Variants in GPC5 observed in about 807,000 individuals in gnomAD.
GPC5 encodes the protein glypican-5.
Under a neutral mutation model 53.9 loss-of-function variants are expected in GPC5, and 47 were observed. That is an observed-to-expected ratio of 0.87 (90% CI 0.69 to 1.11). The LOEUF (loss-of-function observed/expected upper bound fraction) is 1.11. GPC5 is among the 50% of genes most tolerant of loss of function. The pLI is 0.00. For missense variants in GPC5, 748 were observed against 713.1 expected, an observed-to-expected ratio of 1.05 and a Z score of -0.56; for synonymous variants, 286 against 263.3, an observed-to-expected ratio of 1.09 and a Z score of -0.84.
chr13:92,371,202 C>T (rs1025149180), intron 7 of GPC5, among the ~76,000 whole-genome samples: 8 of 152,114 alleles, frequency 5.3e-5, no homozygotes, highest in African/African-American at 1.9e-4. Context: ...TTTTTCATCA[C>T]CAAAAACTGT....
intron 7 of GPC5, among the ~76,000 whole-genome samples, chr13:92,578,959 A>G (rs928958164): frequency 1.3e-5 from 2 of 152,136 alleles, no homozygotes; most frequent in African/African-American, 4.8e-5. Flanking sequence ...ACCCCAGAGA[A>G]TTCAAATGGA....
intron 7 of GPC5, among the ~76,000 whole-genome samples, chr13:92,835,980 T>C (rs981050357): frequency 6.6e-6 from 1 of 152,024 alleles, no homozygotes; most frequent in Admixed American, 6.6e-5. Context: ...GATATCTGGA[T>C]AGGTTCTCAT....
chr13:92,502,012 A>T (rs980593954), intron 7 of GPC5, among the ~76,000 whole-genome samples: 1 of 152,124 alleles, frequency 6.6e-6, no homozygotes, highest in Non-Finnish European at 1.5e-5. Flanking sequence ...CAAACGAAAG[A>T]AGAGCGACAA....
intron 7 of GPC5, among the ~76,000 whole-genome samples, chr13:92,725,913 A>G (rs1354208774): frequency 6.6e-6 from 1 of 151,646 alleles, no homozygotes; most frequent in Non-Finnish European, 1.5e-5. Context: ...ATGCCCTCTG[A>G]CTTTTAGCGT....
chr13:92,178,535 G>A (rs1464556248), intron 7 of GPC5, among the ~76,000 whole-genome samples: 2 of 150,864 alleles, frequency 1.3e-5, no homozygotes, highest in Non-Finnish European at 2.9e-5. Context: ...TATAGTGTTT[G>A]TATATTATAT....
rs569621531 is a variant in GPC5 at position 92,251,480 on chromosome 13, T to C, written c.1561+106491T>C. On this transcript the variant is annotated intron_variant, in intron 7 of 7. Transcript: ENST00000377067. ...GAGCTGTCTTCACTCTCAATATCTC[T>C]GGATTATCCTTGGGGTGTAGCCTGA... is the stretch of plus-strand genomic sequence containing the variant. 1.4e-3 allele frequency among the ~76,000 whole-genome samples: 217 copies of C among 152,212 alleles called. 1 individual carries two copies. Among genetic ancestry groups the C allele is most frequent in the African/African-American group, 4.9e-3 (202 of 41,556 alleles).
chr13:91,416,514 T>G (rs1490167868), intron 1 of GPC5, among the ~76,000 whole-genome samples: 1 of 151,320 alleles, frequency 6.6e-6, no homozygotes, highest in Non-Finnish European at 1.5e-5. Flanking sequence ...AAAGTGTAGG[T>G]TTTTTACATA....
Position 91,615,421 on chromosome 13 carries a change from GA to G in GPC5, c.326-77758del, listed in dbSNP as rs902348828. Among the ~76,000 whole-genome samples the G allele has an allele frequency of 3.3e-5, 5 of 151,998 alleles. No individual in the cohort carries two copies. In the South Asian group the frequency reaches 1.0e-3, roughly 31 times the overall value. On this transcript the variant is annotated intron_variant, in intron 2 of 7. Transcript: ENST00000377067. The stretch of plus-strand genomic sequence containing the variant: ...GTTTTCATTCATATTCTATTGACAA[GA>G]AAAAAAATCACCTTTTGCCACACCT...
chr13:91,611,371 A>G (rs1284375908), intron 2 of GPC5, among the ~76,000 whole-genome samples: 1 of 152,204 alleles, frequency 6.6e-6, no homozygotes, highest in African/African-American at 2.4e-5. Context: ...TAAAGATAAA[A>G]TGTGTAGCCT....
intron 6 of GPC5, among the ~76,000 whole-genome samples, chr13:92,104,788 G>T (rs1232086488): frequency 6.6e-6 from 1 of 152,122 alleles, no homozygotes; most frequent in Non-Finnish European, 1.5e-5. Flanking sequence ...GTGCCTCAGA[G>T]GTCCTTACTG....
chr13:92,116,576 C>T (rs961579893), intron 6 of GPC5, among the ~76,000 whole-genome samples: 1 of 152,170 alleles, frequency 6.6e-6, no homozygotes, highest in Admixed American at 6.5e-5. Context: ...AGCAAAAATA[C>T]CTAGGAATGG....
chr13:91,845,917 T>C (rs930709201), intron 5 of GPC5, among the ~76,000 whole-genome samples: 11 of 152,154 alleles, frequency 7.2e-5, no homozygotes, highest in African/African-American at 2.7e-4. Context: ...ATGGAGATAA[T>C]AGTAGGTGCC....
At chr13:92,770,105 A>G (rs1029580157) in intron 7 of GPC5, among the ~76,000 whole-genome samples, 2 of 152,078 alleles carry the variant, frequency 1.3e-5, no homozygotes, top group African/African-American at 4.8e-5. Flanking sequence ...TCCTTACCCC[A>G]AAACCTCTCC....
chr13:92,014,261 G>T (rs2040687711), intron 6 of GPC5, among the ~76,000 whole-genome samples: 1 of 152,144 alleles, frequency 6.6e-6, no homozygotes, highest in African/African-American at 2.4e-5. Flanking sequence ...TAATCACCAT[G>T]AAAAAATCTG....
intron 2 of GPC5, among the ~76,000 whole-genome samples, chr13:91,531,230 G>A (rs1287650824): frequency 6.6e-6 from 1 of 152,154 alleles, no homozygotes; most frequent in Non-Finnish European, 1.5e-5. Context: ...CGGTATTGAA[G>A]TTTGCACAGA....
chr13:92,284,375 C>A (rs2042938267), intron 7 of GPC5, among the ~76,000 whole-genome samples: 1 of 152,176 alleles, frequency 6.6e-6, no homozygotes, highest in African/African-American at 2.4e-5. Context: ...AGGGAATCTT[C>A]CCTAACTCAT....
At chr13:91,919,742 G>A (rs146059181) in intron 6 of GPC5, among the ~76,000 whole-genome samples, 1,668 of 152,058 alleles carry the variant, frequency 0.011, 12 homozygotes, top group African/African-American at 0.021. Flanking sequence ...AAAAAAAAAT[G>A]TACCAGGAAG....
chr13:91,770,721 T>A (rs2037609134), intron 5 of GPC5, among the ~76,000 whole-genome samples: 1 of 151,786 alleles, frequency 6.6e-6, no homozygotes, highest in South Asian at 2.1e-4. Context: ...TGTGTGTGTG[T>A]GTGTGTGTGT....
intron 2 of GPC5, among the ~76,000 whole-genome samples, chr13:91,515,010 A>C (rs1456548822): frequency 6.6e-6 from 1 of 152,234 alleles, no homozygotes; most frequent in African/African-American, 2.4e-5. Flanking sequence ...TGAAAATTAA[A>C]TAATACTAAA....
Sources: gnomAD v4.1 joint callset for allele counts (sites outside exome capture counted in the v4.1 genomes callset) on GRCh38, gnomAD v4.1.1 for gene constraint, MANE v1.5 for transcripts, NCBI Gene and HGNC (gene_info 2026-07-23, HGNC 2026-07-21) for gene names.